NRXN3: variants seen among roughly 807,000 people sequenced by gnomAD.
NRXN3 encodes the protein neurexin III.
A neutral mutation model predicts 137.6 loss-of-function variants in NRXN3; 32 were observed. That is an observed-to-expected ratio of 0.23 (90% CI 0.18 to 0.31). The LOEUF is 0.31. NRXN3 is among the 10% of genes least tolerant of loss of function. The pLI is 1.00. For synonymous variants in NRXN3, 798 were observed against 784.5 expected, an observed-to-expected ratio of 1.02 and a Z score of -0.29; for missense variants, 1,574 against 2,062.5, an observed-to-expected ratio of 0.76 and a Z score of 4.59.
chr14:79,584,160 T>C (rs193179823), intron 16 of NRXN3, among the ~76,000 whole-genome samples: 1 of 152,288 alleles, frequency 6.6e-6, no homozygotes, highest in Non-Finnish European at 1.5e-5. Context: ...ACAAATGGTA[T>C]GTGGTATGCA....
At chr14:79,321,460 C>A (rs780726986) in intron 15 of NRXN3, among the ~76,000 whole-genome samples, 5 of 152,060 alleles carry the variant, frequency 3.3e-5, no homozygotes, top group Non-Finnish European at 7.4e-5. Context: ...TTTTTCTGAA[C>A]AACTTGGATT....
chr14:79,730,510 A>C (rs1012507699), intron 19 of NRXN3, among the ~76,000 whole-genome samples: 2 of 152,236 alleles, frequency 1.3e-5, no homozygotes, highest in Non-Finnish European at 2.9e-5. Flanking sequence ...TTATCCAGAC[A>C]CATTAGTGAA....
At chr14:79,508,670 G>A (rs930775267) in intron 16 of NRXN3, among the ~76,000 whole-genome samples, 1 of 151,684 alleles carries the variant, frequency 6.6e-6, no homozygotes, top group East Asian at 2.0e-4. Context: ...GGGATTACAG[G>A]TGTGAGCCAC....
At chr14:78,616,857 A>G (rs1349502773) in intron 4 of NRXN3, among the ~76,000 whole-genome samples, 1 of 152,242 alleles carries the variant, frequency 6.6e-6, no homozygotes, top group Non-Finnish European at 1.5e-5. Context: ...ATGTTTGAAT[A>G]CATGAATTAA....
chr14:78,262,673 A>G (rs1336047424), intron 2 of NRXN3, among the ~76,000 whole-genome samples: 1 of 152,080 alleles, frequency 6.6e-6, no homozygotes, highest in Non-Finnish European at 1.5e-5. Flanking sequence ...GTACATGAAG[A>G]GAAAGGGGTT....
Position 78,966,074 on chromosome 14 carries a change from G to A in NRXN3, c.2445G>A (p.Thr815=), listed in dbSNP as rs371473443. 5.8e-5 allele frequency: 94 copies of A among 1,614,150 alleles called. No homozygotes were observed. Among genetic ancestry groups the A allele is most frequent in the South Asian group, 9.9e-5 (9 of 91,084 alleles). Residue 815 remains threonine (T), a synonymous_variant, in exon 12 of 21, where the codon ACG becomes ACA. Coordinates refer to ENST00000335750, the MANE Select transcript of NRXN3 (RefSeq NM_001330195.2). ...HTRLEFHNIE[T]GIMTEKRYIS... is the part of the protein sequence containing the mutation. ...GTTTGGAGTTCCACAACATTGAAAC[G>A]GGAATCATGACTGAGAAACGCTACA...
chr14:78,244,073 C>T (rs570808090), intron 2 of NRXN3, among the ~76,000 whole-genome samples: 85 of 152,302 alleles, frequency 5.6e-4, no homozygotes, highest in Non-Finnish European at 9.9e-4. Flanking sequence ...TCTGCCCCAG[C>T]TTGGCCCCTC....
At chr14:78,531,410 T>C (rs143311697) in intron 4 of NRXN3, among the ~76,000 whole-genome samples, 4 of 152,340 alleles carry the variant, frequency 2.6e-5, no homozygotes, top group Admixed American at 2.0e-4. Flanking sequence ...ACAATGAGAA[T>C]TGCTACAACT....
chr14:79,004,861 A>G (rs1335812264), intron 15 of NRXN3, among the ~76,000 whole-genome samples: 1 of 152,132 alleles, frequency 6.6e-6, no homozygotes, highest in East Asian at 1.9e-4. Flanking sequence ...TATTTTTTAT[A>G]TGCTGTCGCC....
chr14:79,192,621 T>C (rs1429596553), intron 15 of NRXN3, among the ~76,000 whole-genome samples: 2 of 152,306 alleles, frequency 1.3e-5, no homozygotes, highest in South Asian at 2.1e-4. Flanking sequence ...AATTACCATG[T>C]AGATATCAAA....
chr14:78,879,049 G>T (rs192929453), intron 10 of NRXN3, among the ~76,000 whole-genome samples: 1 of 152,006 alleles, frequency 6.6e-6, no homozygotes, highest in African/African-American at 2.4e-5. Flanking sequence ...CTTTTTAAAG[G>T]CTCAATAATA....
chr14:78,252,366 A>C (rs182553545), intron 2 of NRXN3, among the ~76,000 whole-genome samples: 13 of 152,314 alleles, frequency 8.5e-5, no homozygotes, highest in Admixed American at 7.8e-4. Context: ...TAAAGATGAA[A>C]GAGAGGGAGG....
chr14:78,574,206 G>A (rs1435427484), intron 4 of NRXN3, among the ~76,000 whole-genome samples: 1 of 152,218 alleles, frequency 6.6e-6, no homozygotes, highest in Non-Finnish European at 1.5e-5. Context: ...TTTGCTGCAG[G>A]GGCGAAGCCC....
At chr14:79,513,443 A>T (rs2096952314) in intron 16 of NRXN3, among the ~76,000 whole-genome samples, 1 of 152,238 alleles carries the variant, frequency 6.6e-6, no homozygotes, top group Non-Finnish European at 1.5e-5. Context: ...GCAATTGTTC[A>T]GTCTGGTACA....
intron 19 of NRXN3, among the ~76,000 whole-genome samples, chr14:79,785,730 A>G (rs1382221603): frequency 6.6e-6 from 1 of 152,114 alleles, no homozygotes; most frequent in Non-Finnish European, 1.5e-5. Flanking sequence ...TAGCTCCAAA[A>G]AGAAAGGTTG....
chr14:79,475,397 AT>A, intron 16 of NRXN3, among the ~76,000 whole-genome samples: 1 of 152,222 alleles, frequency 6.6e-6, no homozygotes, highest in South Asian at 2.1e-4. Context: ...AGAATCCTCA[AT>A]GCATACAAAT....
intron 14 of NRXN3, among the ~76,000 whole-genome samples, chr14:78,982,898 C>G (rs2099493000): frequency 6.6e-6 from 1 of 152,054 alleles, no homozygotes; most frequent in Admixed American, 6.6e-5. Flanking sequence ...TGATAAGGCA[C>G]TATTATCCAA....
Position 78,556,278 on chromosome 14 carries a change from T to C in NRXN3, c.758-88842T>C, listed in dbSNP as rs149056525. On this transcript the variant is annotated intron_variant, in intron 4 of 20. Coordinates refer to ENST00000335750, the MANE Select transcript of NRXN3 (RefSeq NM_001330195.2). ...ACTCATGCCAAGAGGCTGGTTAAATTGGAAATTGCTCTTTGTTAAATAATA... is the reference window on the plus strand; with the variant it reads ...ACTCATGCCAAGAGGCTGGTTAAATCGGAAATTGCTCTTTGTTAAATAATA... Among the ~76,000 whole-genome samples, 26 of 152,390 alleles carry C rather than the reference T, an allele frequency of 1.7e-4. No homozygotes were observed. The East Asian group carries it at 4.0e-3, about 24-fold the overall frequency.
chr14:79,398,086 A>G (rs1414332389), intron 15 of NRXN3, among the ~76,000 whole-genome samples: 1 of 152,206 alleles, frequency 6.6e-6, no homozygotes, highest in East Asian at 1.9e-4. Flanking sequence ...CAATGAAATT[A>G]ATTGACAAGA....
Sources: gnomAD v4.1 joint callset for allele counts (sites outside exome capture counted in the v4.1 genomes callset) on GRCh38, gnomAD v4.1.1 for gene constraint, MANE v1.5 for transcripts, NCBI Gene and HGNC (gene_info 2026-07-23, HGNC 2026-07-21) for gene names.